KCNC2: variants seen among roughly 807,000 people sequenced by gnomAD.
KCNC2 encodes potassium voltage-gated channel subfamily C member 2, also known as voltage-gated potassium channel KCNC2.
A neutral mutation model predicts 44.5 loss-of-function variants in KCNC2; 21 were observed. The observed-to-expected ratio is 0.47, with a 90% CI of 0.33 to 0.68. The LOEUF (loss-of-function observed/expected upper bound fraction) is 0.68. Ranked by LOEUF, KCNC2 falls within the 30% of genes least tolerant of loss-of-function variation. KCNC2 has a pLI of 0.01. For synonymous variants in KCNC2, 391 were observed against 339.1 expected, an observed-to-expected ratio of 1.15 and a Z score of -1.68; for missense variants, 589 against 826.2, an observed-to-expected ratio of 0.71 and a Z score of 3.52.
intron 2 of KCNC2, among the ~76,000 whole-genome samples, chr12:75,092,784 A>G (rs1885596144): frequency 6.6e-6 from 1 of 151,690 alleles, no homozygotes; most frequent in African/African-American, 2.4e-5. Context: ...AGAATAACAC[A>G]CATATGAAGT....
intron 2 of KCNC2, among the ~76,000 whole-genome samples, chr12:75,156,678 C>T (rs901769033): frequency 1.3e-5 from 2 of 151,784 alleles, no homozygotes; most frequent in Non-Finnish European, 2.9e-5. Flanking sequence ...ATCTAAAGCA[C>T]TTAACCTAGT....
chr12:75,199,977 C>T (rs1398019957), intron 2 of KCNC2, among the ~76,000 whole-genome samples: 1 of 151,668 alleles, frequency 6.6e-6, no homozygotes, highest in Admixed American at 6.6e-5. Context: ...CATAAGCAGG[C>T]TATTTTTAAG....
At chr12:75,088,638 C>A (rs531077733) in intron 2 of KCNC2, among the ~76,000 whole-genome samples, 1 of 152,058 alleles carries the variant, frequency 6.6e-6, no homozygotes, top group East Asian at 1.9e-4. Flanking sequence ...TATATGGTCA[C>A]CCTTTAAGTA....
chr12:75,158,451 G>A (rs1349676899), intron 2 of KCNC2, among the ~76,000 whole-genome samples: 2 of 151,818 alleles, frequency 1.3e-5, no homozygotes, highest in Non-Finnish European at 2.9e-5. Context: ...CACCTTTTTA[G>A]TTAATAACCA....
In KCNC2 at chr12:75,107,784, T is replaced by A. The variant is rs576241602; in HGVS notation, c.688-56467A>T. 1.2e-4 allele frequency among the ~76,000 whole-genome samples: 19 copies of A among 152,334 alleles called. No homozygotes were observed. The East Asian group carries it at 3.7e-3, about 29-fold the overall frequency. The stretch of plus-strand genomic sequence containing the variant: ...TTAATTCCTAAGTCATTAATTTTAC[T>A]TTTTCTAAAATATTCAGGAAGAGCT... On this transcript the variant is annotated intron_variant, in intron 2 of 4. Transcript: ENST00000549446.
rs75339311 is a variant in KCNC2, at chr12:75,070,575, C to T, written c.688-19258G>A. Among the ~76,000 whole-genome samples, 1,522 of 152,060 alleles carry T rather than the reference C, an allele frequency of 0.01. 98 individuals carry two copies. In the East Asian group the frequency reaches 0.15, roughly 15 times the overall value. On this transcript the variant is annotated intron_variant, in intron 2 of 4. Transcript: ENST00000549446. ...GAAAACTTCCCACATTGTCTGACACCTGCATTGCCATTTCATCTCCATTCT... is the reference window on the plus strand; with the variant it reads ...GAAAACTTCCCACATTGTCTGACACTTGCATTGCCATTTCATCTCCATTCT...
intron 2 of KCNC2, among the ~76,000 whole-genome samples, chr12:75,149,961 G>A (rs1890276785): frequency 6.6e-6 from 1 of 151,710 alleles, no homozygotes; most frequent in Non-Finnish European, 1.5e-5. Context: ...ACATGCTTAG[G>A]TTAGGCATGG....
chr12:75,079,024 A>G (rs1263984415), intron 2 of KCNC2, among the ~76,000 whole-genome samples: 1 of 152,164 alleles, frequency 6.6e-6, no homozygotes, highest in Admixed American at 6.5e-5. Flanking sequence ...TTAAAACACA[A>G]AAGCTTCATA....
intron 4 of KCNC2, among the ~76,000 whole-genome samples, chr12:75,047,463 A>T (rs1434219334): frequency 6.6e-6 from 1 of 152,076 alleles, no homozygotes; most frequent in Non-Finnish European, 1.5e-5. Flanking sequence ...TTCAATCAAG[A>T]TTTATTATCT....
intron 2 of KCNC2, among the ~76,000 whole-genome samples, chr12:75,129,909 A>G (rs1888708196): frequency 2.0e-5 from 3 of 152,226 alleles, no homozygotes; most frequent in Non-Finnish European, 4.4e-5. Context: ...GAAACATGCA[A>G]AAAGAAATCT....
intron 2 of KCNC2, among the ~76,000 whole-genome samples, chr12:75,143,239 G>A (rs1161216404): frequency 6.6e-6 from 1 of 152,134 alleles, no homozygotes; most frequent in African/African-American, 2.4e-5. Flanking sequence ...TGACCTCGGC[G>A]ATCTCCAAGG....
intron 2 of KCNC2, among the ~76,000 whole-genome samples, chr12:75,122,362 G>A (rs1181580528): frequency 3.9e-5 from 6 of 152,296 alleles, no homozygotes; most frequent in Non-Finnish European, 8.8e-5. Context: ...TTATAAGGTA[G>A]AAAGAGAAGA....
chr12:75,043,751 T>C (rs1880178701), intron 4 of KCNC2: 1 of 1,509,948 alleles, frequency 6.6e-7, no homozygotes, highest in East Asian at 2.5e-5. Flanking sequence ...AAGATGATTC[T>C]TAAATAATGG....
In KCNC2 at chr12:75,115,409, A is replaced by G. The variant is rs188307851; in HGVS notation, c.688-64092T>C. The stretch of plus-strand genomic sequence containing the variant: ...TCTGAGAGATGCTGATCATACATCT[A>G]TTAAATGGCAAATCCAAAATCTGTA... On this transcript the variant is annotated intron_variant, in intron 2 of 4. Transcript: ENST00000549446. Among the ~76,000 whole-genome samples the G allele has an allele frequency of 2.6e-5, 4 of 152,358 alleles. No homozygotes were observed. The East Asian group carries it at 7.7e-4, about 29-fold the overall frequency.
chr12:75,096,945 T>G lies in KCNC2; in HGVS notation c.688-45628A>C, dbSNP rs144064381. Reference sequence around the variant, plus strand: ...AATGAGATATATCCACACAAAACTTTCATATGAATGTTTATGAAACTCCAT... The same window carrying G: ...AATGAGATATATCCACACAAAACTTGCATATGAATGTTTATGAAACTCCAT... On this transcript the variant is annotated intron_variant, in intron 2 of 4. Transcript: ENST00000549446. Among the ~76,000 whole-genome samples the G allele has an allele frequency of 5.0e-3, 756 of 152,182 alleles. 5 individuals are homozygous for G. Among genetic ancestry groups the G allele is most frequent in the African/African-American group, 0.017 (707 of 41,538 alleles).
chr12:75,071,318 T>C (rs190263189), intron 2 of KCNC2, among the ~76,000 whole-genome samples: 4 of 152,336 alleles, frequency 2.6e-5, no homozygotes, highest in South Asian at 2.1e-4. Context: ...ATAAATCTTA[T>C]GTTTCATCTC....
At chr12:75,147,291 AT>A (rs925357737) in intron 2 of KCNC2, among the ~76,000 whole-genome samples, 2 of 151,972 alleles carry the variant, frequency 1.3e-5, no homozygotes, top group Non-Finnish European at 2.9e-5. Context: ...TAAATGGAGA[AT>A]TTTTTTTCGT....
intron 2 of KCNC2, among the ~76,000 whole-genome samples, chr12:75,170,752 C>G (rs1323887708): frequency 6.6e-6 from 1 of 151,700 alleles, no homozygotes. Context: ...CTTTTGTCAA[C>G]AGCTCCCATA....
At chr12:75,058,956 A>T (rs895623418) in intron 2 of KCNC2, among the ~76,000 whole-genome samples, 2 of 152,008 alleles carry the variant, frequency 1.3e-5, no homozygotes, top group Non-Finnish European at 2.9e-5. Context: ...TAATCAGCTT[A>T]GGCAGAACCC....
Sources: gnomAD v4.1 joint callset for allele counts (sites outside exome capture counted in the v4.1 genomes callset) on GRCh38, gnomAD v4.1.1 for gene constraint, MANE v1.5 for transcripts, NCBI Gene and HGNC (gene_info 2026-07-23, HGNC 2026-07-21) for gene names.